The following DSCAM variants were observed in gnomAD, a reference collection of about 807,000 sequenced individuals.
DSCAM encodes cell adhesion molecule DSCAM.
DSCAM carries 47 observed loss-of-function variants against 217.7 expected under a neutral mutation model. The observed-to-expected ratio is 0.22, with a 90% confidence interval of 0.17 to 0.28. The LOEUF is 0.28. DSCAM is among the 10% of genes least tolerant of loss of function. The pLI, the probability that DSCAM is intolerant of heterozygous loss-of-function variation, is 1.00. For synonymous variants in DSCAM, 1,056 were observed against 1,015.3 expected (o/e 1.04, Z -0.76); for missense variants, 2,080 against 2,618.3 (o/e 0.79, Z 4.49).
At chr21:40,800,739 GGA>G (rs2091733075) in intron 1 of DSCAM, among the ~76,000 whole-genome samples, 1 of 129,846 alleles carries the variant, frequency 7.7e-6, no homozygotes, top group Non-Finnish European at 1.6e-5. Flanking sequence ...TTTTTTAAAC[GGA>G]GTCTCACTCT....
rs550200500 is a variant in DSCAM, at chr21:40,345,643, C to G, written c.1210+2027G>C. On this transcript the variant is annotated intron_variant, in intron 6 of 32. Transcript: ENST00000400454. ...TGTATCTATCCTCAGTCCTAGTTCA[C>G]AGTATTGCAAATTTTTATAATTTTA... 3.3e-5 allele frequency among the ~76,000 whole-genome samples: 5 copies of G among 152,210 alleles called. No individual in the cohort carries two copies. In the South Asian group the frequency reaches 1.0e-3, roughly 32 times the overall value.
chr21:40,142,357 T>G (rs1320648150), intron 18 of DSCAM, among the ~76,000 whole-genome samples: 1 of 152,180 alleles, frequency 6.6e-6, no homozygotes, highest in Non-Finnish European at 1.5e-5. Flanking sequence ...GGCTTCAACT[T>G]GGGTTTCGAA....
chr21:40,502,390 G>C (rs955566882), intron 3 of DSCAM, among the ~76,000 whole-genome samples: 1 of 151,844 alleles, frequency 6.6e-6, no homozygotes, highest in African/African-American at 2.4e-5. Flanking sequence ...GTAACAAATC[G>C]CCACAAACTT....
intron 9 of DSCAM, among the ~76,000 whole-genome samples, chr21:40,302,286 C>CG (rs1317737493): frequency 3.9e-5 from 6 of 151,932 alleles, no homozygotes; most frequent in South Asian, 4.2e-4. Context: ...AATTTAACCA[C>CG]GGGGGGCGGA....
At chr21:40,432,169 T>C (rs899900418) in intron 3 of DSCAM, among the ~76,000 whole-genome samples, 5 of 151,834 alleles carry the variant, frequency 3.3e-5, no homozygotes, top group Non-Finnish European at 5.9e-5. Flanking sequence ...TGCACTTCAG[T>C]CCGGGCAACA....
chr21:40,080,039 T>A lies in DSCAM; in HGVS notation c.4420+113A>T, dbSNP rs940259009. ...GGCACTGCTGAAGCCATGTGAGGAA[T>A]GACAAAGTTCAAACACATAAACGTA... is the stretch of plus-strand genomic sequence containing the variant. On this transcript the variant is annotated intron_variant, in intron 25 of 32. Transcript: ENST00000400454. 29 of 1,025,200 alleles carry A rather than the reference T, an allele frequency of 2.8e-5. 1 individual carries two copies. In the African/African-American group the frequency reaches 4.2e-4, roughly 15 times the overall value. The allele number at this position is 1,025,200 out of a possible 1,614,324, so 63.5% of individuals were successfully genotyped here.
intron 3 of DSCAM, among the ~76,000 whole-genome samples, chr21:40,623,746 C>T (rs150268783): frequency 2.3e-4 from 35 of 152,322 alleles, no homozygotes; most frequent in Non-Finnish European, 1.2e-4. Context: ...TCCTCACTGT[C>T]CTTCCCCAGA....
chr21:40,022,808 T>C (rs2088298631), intron 32 of DSCAM, among the ~76,000 whole-genome samples: 1 of 152,206 alleles, frequency 6.6e-6, no homozygotes, highest in South Asian at 2.1e-4. Flanking sequence ...TCTAAACTTT[T>C]TATTAGCAAC....
intron 20 of DSCAM, among the ~76,000 whole-genome samples, chr21:40,102,792 T>G (rs746767205): frequency 6.6e-6 from 1 of 152,192 alleles, no homozygotes; most frequent in Non-Finnish European, 1.5e-5. Flanking sequence ...TGTAAGACCT[T>G]GCAGAGCCTT....
intron 2 of DSCAM, among the ~76,000 whole-genome samples, chr21:40,704,596 C>T (rs1054877561): frequency 1.3e-4 from 19 of 151,994 alleles, no homozygotes; most frequent in Middle Eastern, 3.4e-3. Flanking sequence ...TGACTTATGC[C>T]TGTAGCCGCA....
intron 3 of DSCAM, among the ~76,000 whole-genome samples, chr21:40,683,005 G>A (rs1281849068): frequency 6.6e-6 from 1 of 152,192 alleles, no homozygotes; most frequent in African/African-American, 2.4e-5. Flanking sequence ...GAAGAAACAT[G>A]AGAAAGTCAG....
chr21:40,639,175 C>A (rs2089846887), intron 3 of DSCAM, among the ~76,000 whole-genome samples: 1 of 151,874 alleles, frequency 6.6e-6, no homozygotes, highest in Admixed American at 6.6e-5. Flanking sequence ...AGGAGAAATC[C>A]ACCCGTCGCT....
At chr21:40,123,789 G>C (rs73362131) in intron 20 of DSCAM, among the ~76,000 whole-genome samples, 13,220 of 149,402 alleles carry the variant, frequency 0.088, 745 homozygotes, top group East Asian at 0.21. Flanking sequence ...GAAGGAAGGA[G>C]GGAGGGAAGG....
intron 11 of DSCAM, among the ~76,000 whole-genome samples, chr21:40,227,176 G>T (rs2091340680): frequency 6.6e-6 from 1 of 152,100 alleles, no homozygotes; most frequent in Non-Finnish European, 1.5e-5. Flanking sequence ...ATCATTTAAG[G>T]ATCAAAGACT....
At chr21:40,730,620 C>G (rs1426139397) in intron 1 of DSCAM, among the ~76,000 whole-genome samples, 1 of 152,088 alleles carries the variant, frequency 6.6e-6, no homozygotes, top group Non-Finnish European at 1.5e-5. Flanking sequence ...AAGCCTGGCA[C>G]GCTGTCCAGC....
At chr21:40,504,434 A>G (rs952527497) in intron 3 of DSCAM, among the ~76,000 whole-genome samples, 3 of 152,132 alleles carry the variant, frequency 2.0e-5, no homozygotes, top group Non-Finnish European at 4.4e-5. Flanking sequence ...CCTCGGGAGA[A>G]CAGTCCACCT....
At chr21:40,187,749 C>A in intron 13 of DSCAM, 142 bp downstream of exon 13, 1 of 789,462 alleles carries the variant, frequency 1.3e-6, no homozygotes. Context: ...TGCTTTAGCA[C>A]TGACATTATA....
intron 3 of DSCAM, among the ~76,000 whole-genome samples, chr21:40,404,394 T>A (rs2075263649): frequency 6.6e-6 from 1 of 152,212 alleles, no homozygotes; most frequent in Non-Finnish European, 1.5e-5. Flanking sequence ...TTTCCTAAGA[T>A]CCAGTCTCTT....
At chr21:40,702,409 T>C (rs2090666212) in intron 2 of DSCAM, among the ~76,000 whole-genome samples, 1 of 152,232 alleles carries the variant, frequency 6.6e-6, no homozygotes, top group South Asian at 2.1e-4. Flanking sequence ...GAAATACACT[T>C]TGCTTAATAT....
Sources: allele counts gnomAD v4.1 joint callset (sites outside exome capture counted in the v4.1 genomes callset), GRCh38; gene constraint gnomAD v4.1.1; transcripts MANE v1.5; gene names NCBI Gene and HGNC (gene_info 2026-07-23, HGNC 2026-07-21).